Variants in NPEPPS observed in about 807,000 individuals in gnomAD.
NPEPPS encodes the protein puromycin-sensitive aminopeptidase.
Under a neutral mutation model 115.5 loss-of-function variants are expected in NPEPPS, and 14 were observed. That is an observed-to-expected ratio of 0.12 (90% CI 0.08 to 0.19). The LOEUF (loss-of-function observed/expected upper bound fraction) is 0.19. Ranked by LOEUF, NPEPPS falls within the 10% of genes least tolerant of loss-of-function variation. NPEPPS has a pLI of 1.00. For synonymous variants in NPEPPS, 285 were observed against 390.6 expected, an observed-to-expected ratio of 0.73 and a Z score of 3.19; for missense variants, 523 against 1,110.8, an observed-to-expected ratio of 0.47 and a Z score of 7.52.
At chr17:47,572,759 G>A (rs1335370991) in intron 3 of NPEPPS, among the ~76,000 whole-genome samples, 3 of 152,158 alleles carry the variant, frequency 2.0e-5, no homozygotes, top group Non-Finnish European at 2.9e-5. Context: ...AGAAAGCAGA[G>A]AAAATGGGAA....
intron 17 of NPEPPS, among the ~76,000 whole-genome samples, chr17:47,607,049 C>T (rs1242118014): frequency 6.6e-6 from 1 of 151,912 alleles, no homozygotes; most frequent in Non-Finnish European, 1.5e-5. Context: ...AAAAATTAGC[C>T]AGGTGTGGTG....
rs1046605963 is a variant in NPEPPS at position 47,594,147 on chromosome 17, G to A, written c.1426+1602G>A. On this transcript the variant is annotated intron_variant, in intron 12 of 22. Transcript: ENST00000322157. ...TCCAGCCTGGGCAACAGCGAAACGC[G>A]GTCTCAAAAGAAAATAAGGTGCTAC... Among the ~76,000 whole-genome samples the A allele has an allele frequency of 4.6e-5, 7 of 151,964 alleles. No individual in the cohort carries two copies. The East Asian group carries it at 7.7e-4, about 17-fold the overall frequency.
intron 21 of NPEPPS, chr17:47,619,430 T>G: frequency 2.0e-6 from 1 of 511,020 alleles, no homozygotes; most frequent in Non-Finnish European, 3.5e-6. Flanking sequence ...GGTGTGTGCC[T>G]GTAATCCCAG....
chr17:47,531,873 C>A (rs1254705642), intron 1 of NPEPPS, among the ~76,000 whole-genome samples: 6 of 152,162 alleles, frequency 3.9e-5, no homozygotes, highest in Admixed American at 2.0e-4. Flanking sequence ...GCTTTCCCCC[C>A]CGCCCCGGAC....
At chr17:47,601,551 T>A in intron 14 of NPEPPS, 57 bp from the exon 15 acceptor site, 1 of 1,603,622 alleles carries the variant, frequency 6.2e-7, no homozygotes, top group Non-Finnish European at 8.5e-7. Flanking sequence ...CACTCCTCTC[T>A]CCACCTTACC....
chr17:47,535,832 C>CT (rs553790964), intron 1 of NPEPPS, among the ~76,000 whole-genome samples: 1,605 of 100,948 alleles, frequency 0.016, 34 homozygotes, highest in African/African-American at 0.025. Context: ...ATTGGGTATT[C>CT]TTTTTTTTTT....
At chr17:47,538,036 G>T (rs1033750504) in intron 1 of NPEPPS, among the ~76,000 whole-genome samples, 10 of 150,508 alleles carry the variant, frequency 6.6e-5, no homozygotes, top group Non-Finnish European at 1.3e-4. Flanking sequence ...TGGGATTACA[G>T]GCATGCACCA....
At chr17:47,550,991 C>T (rs1294842073) in intron 2 of NPEPPS, among the ~76,000 whole-genome samples, 1 of 152,170 alleles carries the variant, frequency 6.6e-6, no homozygotes, top group Non-Finnish European at 1.5e-5. Context: ...GCCAACTACA[C>T]ATCAAGAGAC....
intron 2 of NPEPPS, among the ~76,000 whole-genome samples, chr17:47,552,257 T>C (rs111898422): frequency 1.3e-5 from 2 of 152,182 alleles, no homozygotes; most frequent in Admixed American, 6.6e-5. Context: ...GCCACTGTGC[T>C]TGGCCCTTGT....
Position 47,542,405 on chromosome 17 carries a change from G to A in NPEPPS, c.256-3504G>A, listed in dbSNP as rs530054225. ...CTACTAGAAATACAAAATTTACCGG[G>A]CGTAGTGGCACATGCCTGTAATCCC... is the stretch of plus-strand genomic sequence containing the variant. On this transcript the variant is annotated intron_variant, in intron 1 of 22. Coordinates refer to ENST00000322157, the MANE Select transcript of NPEPPS (RefSeq NM_006310.4). Among the ~76,000 whole-genome samples the A allele has an allele frequency of 1.2e-3, 182 of 152,156 alleles. 1 individual carries two copies. The highest frequency in any genetic ancestry group is 4.2e-3 in the African/African-American group (174 of 41,482).
upstream of NPEPPS, among the ~76,000 whole-genome samples, chr17:47,529,322 C>T (rs1207013605): frequency 1.3e-5 from 2 of 151,808 alleles, no homozygotes; most frequent in Non-Finnish European, 2.9e-5. Flanking sequence ...CAGCCTCCAT[C>T]CACCTCCTGG....
chr17:47,552,957 C>T (rs921716350), intron 2 of NPEPPS, among the ~76,000 whole-genome samples: 86 of 152,010 alleles, frequency 5.7e-4, no homozygotes, highest in Non-Finnish European at 2.9e-4. Flanking sequence ...CAAACCCAGG[C>T]GGTTTGGATC....
At chr17:47,531,061 C>A (rs1421970855), upstream of NPEPPS, 9 of 477,964 alleles carry the variant, frequency 1.9e-5, no homozygotes, top group African/African-American at 1.7e-4. Context: ...GCGCACTCCA[C>A]GGGGGCGCGC....
At chr17:47,592,162 T>G in intron 11 of NPEPPS, 102 bp downstream of exon 11, 2 of 650,922 alleles carry the variant, frequency 3.1e-6, no homozygotes, top group Non-Finnish European at 5.4e-6. Context: ...CCAAATAGTT[T>G]CTGGCTTGTC....
intron 10 of NPEPPS, among the ~76,000 whole-genome samples, chr17:47,591,202 T>A (rs888212884): frequency 2.6e-5 from 4 of 151,918 alleles, no homozygotes; most frequent in African/African-American, 9.7e-5. Flanking sequence ...AGAAACCCCG[T>A]CTTTACTAAA....
At chr17:47,570,251 A>G (rs775021328) in intron 3 of NPEPPS, among the ~76,000 whole-genome samples, 27 of 152,130 alleles carry the variant, frequency 1.8e-4, no homozygotes, top group Non-Finnish European at 4.0e-4. Flanking sequence ...GCAAAACCCC[A>G]TCTCTACCAA....
intron 2 of NPEPPS, among the ~76,000 whole-genome samples, chr17:47,556,996 C>G (rs1003901323): frequency 3.7e-4 from 57 of 152,204 alleles, no homozygotes; most frequent in Admixed American, 1.2e-3. Flanking sequence ...CTTTTTTTCT[C>G]AAAGAACTAA....
intron 2 of NPEPPS, among the ~76,000 whole-genome samples, chr17:47,562,966 A>C (rs1910536998): frequency 6.6e-6 from 1 of 151,134 alleles, no homozygotes; most frequent in South Asian, 2.1e-4. Context: ...TTTTTCCCCA[A>C]TATATACTTC....
upstream of NPEPPS, among the ~76,000 whole-genome samples, chr17:47,529,737 TTATATA>T (rs56043348): frequency 1.4e-3 from 36 of 25,650 alleles, 3 homozygotes; most frequent in African/African-American, 2.5e-3. Context: ...TTCAGTTACA[TTATATA>T]TATATATATA....
Sources: allele counts gnomAD v4.1 joint callset (sites outside exome capture counted in the v4.1 genomes callset), GRCh38; gene constraint gnomAD v4.1.1; transcripts MANE v1.5; gene names NCBI Gene and HGNC (gene_info 2026-07-23, HGNC 2026-07-21).